Variants in DNASE1L1 observed in about 807,000 individuals in gnomAD.
DNASE1L1 encodes the protein deoxyribonuclease-1-like 1.
Under a neutral mutation model 18.6 loss-of-function variants are expected in DNASE1L1, and 8 were observed. The ratio of observed to expected loss-of-function variants is 0.43; its 90% CI spans 0.25 to 0.78. DNASE1L1 has a LOEUF of 0.78. Among genes scored for constraint, DNASE1L1 ranks in the 30% least tolerant of loss-of-function variants. DNASE1L1 has a pLI of 0.23. For missense variants in DNASE1L1, 214 were observed against 258.2 expected (o/e 0.83, Z 1.17); for synonymous variants, 114 against 114.2 (o/e 1.00, Z 0.01).
Position 154,405,469 on chromosome X carries a change from C to T in DNASE1L1, c.100G>A (p.Val34Met). Residue 34 changes from valine (V) to methionine (M), a missense_variant, in exon 2 of 8, where the codon GTG (valine) becomes ATG (methionine). Transcript: ENST00000369807. ...FNAQRLTLAK[V>M]AREQVMDTLV... The stretch of plus-strand genomic sequence containing the variant: ...GTGTCCATCACCTGCTCCCTGGCCA[C>T]CTTGGCCAGTGTCAGCCGCTGGGCA... 8.3e-7 allele frequency: 1 copy of T among 1,202,673 alleles called. No homozygotes were observed. The highest frequency in any genetic ancestry group is 1.1e-6 in the Non-Finnish European group (1 of 888,396).
upstream of DNASE1L1, among the ~76,000 whole-genome samples, chrX:154,411,046 A>G (rs1569552599): frequency 8.9e-6 from 1 of 112,545 alleles, no homozygotes; most frequent in Non-Finnish European, 1.9e-5. Context: ...CATATGATAC[A>G]CAATATGTTT....
chrX:154,410,813 A>T (rs2068263927), upstream of DNASE1L1, among the ~76,000 whole-genome samples: 1 of 111,089 alleles, frequency 9.0e-6, no homozygotes, highest in Admixed American at 9.5e-5. Context: ...CGGGAGGCGG[A>T]GGTTGCAGTG....
Position 154,404,995 on chromosome X carries a change from C to G in DNASE1L1, c.224G>C (p.Arg75Pro). The part of the protein sequence containing the change: ...AIPLLLRELN[R>P]FDGSGPYSTL... ...ATTAGACCCACAGAATCTTCCTCAC[C>G]GATTGAGTTCTCGAAGCAGGAGCGG... The change falls in exon 3 of 8, where the codon CGA becomes CCA. Residue 75 changes from arginine (R) to proline (P), a missense_variant and splice_region_variant. By Grantham distance (103) the Arg-to-Pro change is moderately radical (BLOSUM62 -2). Coordinates refer to ENST00000369807, the MANE Select transcript of DNASE1L1 (RefSeq NM_001303620.2). The G allele has an allele frequency of 8.3e-7, 1 of 1,209,593 alleles. No homozygotes were observed. The highest frequency in any genetic ancestry group is 1.1e-6 in the Non-Finnish European group (1 of 894,011).
At chrX:154,405,383 C>A (rs782198131) in intron 2 of DNASE1L1, 51 bp downstream of exon 2, 3 of 1,151,931 alleles carry the variant, frequency 2.6e-6, no homozygotes, top group Non-Finnish European at 3.5e-6. Context: ...GGGATGGGGG[C>A]TTTGGCTCAT....
In DNASE1L1 at chrX:154,403,110, A is replaced by G. The variant is rs782630940; in HGVS notation, c.606T>C (p.Thr202=). ...KKRLDKLELR[T]EPGFHWVIAD... ...CAATCACCCAGTGGAAGCCTGGCTCAGTCCGCAGCTCCAGCTTGTCCAGGC... is the reference window on the plus strand; with the variant it reads ...CAATCACCCAGTGGAAGCCTGGCTCGGTCCGCAGCTCCAGCTTGTCCAGGC... Residue 202 remains threonine, a synonymous_variant, in exon 7 of 8, where the codon ACT becomes ACC. Coordinates refer to ENST00000369807, the MANE Select transcript of DNASE1L1 (RefSeq NM_001303620.2). 8.3e-7 allele frequency: 1 copy of G among 1,212,017 alleles called. No homozygotes were observed. Among genetic ancestry groups the G allele is most frequent in the Admixed American group, 2.2e-5 (1 of 46,075 alleles).
rs782064221 is a variant in DNASE1L1 at position 154,403,032 on chromosome X, G to A, written c.684C>T (p.Arg228=). The A allele has an allele frequency of 3.3e-6, 4 of 1,211,811 alleles. No homozygotes were observed. The highest frequency in any genetic ancestry group is 2.3e-4 in the Middle Eastern group (1 of 4,349). The change falls in exon 7 of 8, where the codon CGC becomes CGT. Residue 228 remains arginine, a synonymous_variant. Coordinates refer to ENST00000369807, the MANE Select transcript of DNASE1L1 (RefSeq NM_001303620.2). ...GGCAGCGCTCCCCGTGCAGCACGAC[G>A]CGGTCATAGGTGCAGTGGGTGCTGG... is the stretch of plus-strand genomic sequence containing the variant. ...VRASTHCTYD[R]VVLHGERCRS... is the part of the protein sequence containing the mutation.
Position 154,402,799 on chromosome X carries a change from T to G in DNASE1L1, c.817A>C (p.Lys273Gln). 1 of 1,211,250 alleles carries G rather than the reference T, an allele frequency of 8.3e-7. No individual in the cohort carries two copies. Among genetic ancestry groups the G allele is most frequent in the Non-Finnish European group, 1.1e-6 (1 of 895,248 alleles). Residue 273 changes from lysine to glutamine, a missense_variant, in exon 8 of 8, where the codon AAG becomes CAG. By Grantham distance (53) the Lys-to-Gln change is moderately conservative. Coordinates refer to ENST00000369807, the MANE Select transcript of DNASE1L1 (RefSeq NM_001303620.2). ...TGGACGCTGTGCGCCTGGCTCAGCTTCAGCTCCACCTCCACGGGGTAGTGG... is the reference window on the plus strand; with the variant it reads ...TGGACGCTGTGCGCCTGGCTCAGCTGCAGCTCCACCTCCACGGGGTAGTGG... ...SDHYPVEVEL[K>Q]LSQAHSVQPL...
In DNASE1L1 at chrX:154,401,296, G is replaced by C. The variant is rs181381143; in HGVS notation, c.*1411C>G. The C allele has an allele frequency of 2.6e-4, 56 of 214,842 alleles. No homozygotes were observed. The highest frequency in any genetic ancestry group is 3.5e-4 in the Non-Finnish European group (41 of 116,355). 17.7% of individuals were successfully genotyped at this position (214,842 alleles called of 1,213,427 possible). A position where few individuals can be genotyped will look rare whatever the true frequency, so the allele number is the denominator to read the frequency against. On this transcript the variant is annotated 3_prime_UTR_variant, in exon 8 of 8. Coordinates refer to ENST00000369807, the MANE Select transcript of DNASE1L1 (RefSeq NM_001303620.2). Reference sequence around the variant, plus strand: ...GCAAGGGTAGGTGTGCATCACATTGGGCTTGTTCTCACCCATCTGGTTTGG... The same window carrying C: ...GCAAGGGTAGGTGTGCATCACATTGCGCTTGTTCTCACCCATCTGGTTTGG...
chrX:154,402,581 G>T lies in DNASE1L1; in HGVS notation c.*126C>A. 1 of 683,312 alleles carries T rather than the reference G, an allele frequency of 1.5e-6. No individual in the cohort carries two copies. The highest frequency in any genetic ancestry group is 2.1e-6 in the Non-Finnish European group (1 of 470,353). 56.3% of individuals were successfully genotyped at this position (683,312 alleles called of 1,213,427 possible). A position where few individuals can be genotyped will look rare whatever the true frequency, so the allele number is the denominator to read the frequency against. ...AACAAGAGCCAAATCAAACAAGGCA[G>T]GCAGGGGTGGACTACAGTCACAGGG... On this transcript the variant is annotated 3_prime_UTR_variant, in exon 8 of 8. Coordinates refer to ENST00000369807, the MANE Select transcript of DNASE1L1 (RefSeq NM_001303620.2).
Position 154,405,020 on chromosome X carries a change from G to T in DNASE1L1, c.199C>A (p.Pro67Thr). Residue 67 changes from proline (P) to threonine (T), a missense_variant, in exon 3 of 8, where the codon CCG (proline) becomes ACG (threonine). Coordinates refer to ENST00000369807, the MANE Select transcript of DNASE1L1 (RefSeq NM_001303620.2). ...EVVDSSGSAI[P>T]LLLRELNRFD... is the part of the protein sequence containing the mutation. ...CGATTGAGTTCTCGAAGCAGGAGCG[G>T]GATGGCGCTGCCGGAAGAGTCCACC... The T allele has an allele frequency of 8.3e-7, 1 of 1,211,038 alleles. No individual in the cohort carries two copies. Among genetic ancestry groups the T allele is most frequent in the African/African-American group, 1.7e-5 (1 of 57,895 alleles).
Position 154,402,789 on chromosome X carries a change from T to C in DNASE1L1, c.827A>G (p.Gln276Arg), listed in dbSNP as rs146004451. The C allele has an allele frequency of 1.9e-4, 226 of 1,210,154 alleles. 1 individual carries two copies. The African/African-American group carries it at 3.3e-3, about 18-fold the overall frequency. The change falls in exon 8 of 8, where the codon CAG becomes CGG. Residue 276 changes from glutamine to arginine, a missense_variant. Physicochemically the swap from Gln to Arg is conservative, Grantham distance 43. Transcript: ENST00000369807. ...YPVEVELKLS[Q>R]AHSVQPLSLT... is the part of the protein sequence containing the mutation. The stretch of plus-strand genomic sequence containing the variant: ...GCTGAGAGGCTGGACGCTGTGCGCC[T>C]GGCTCAGCTTCAGCTCCACCTCCAC...
upstream of DNASE1L1, chrX:154,411,574 G>C (rs1005488594): frequency 2.5e-6 from 1 of 400,420 alleles, no homozygotes; most frequent in African/African-American, 2.6e-5. Context: ...GGGTGCCAGC[G>C]CCCGCCTTCC....
In DNASE1L1 at chrX:154,402,627, C is replaced by CT; in HGVS notation, c.*79_*80insA. 2.0e-6 allele frequency: 2 copies of CT among 977,943 alleles called. No homozygotes were observed. Among genetic ancestry groups the CT allele is most frequent in the South Asian group, 4.8e-5 (2 of 41,777 alleles). The allele number at this position is 977,943 out of a possible 1,213,427, so 80.6% of individuals were successfully genotyped here. On this transcript the variant is annotated 3_prime_UTR_variant, in exon 8 of 8. Transcript: ENST00000369807. Reference sequence around the variant, plus strand: ...CAGGGCAACTATAGTTGAAGCCCCCCAGCCCCAGGGCTGGATGGACGGGGG... The same window carrying CT: ...CAGGGCAACTATAGTTGAAGCCCCCCTAGCCCCAGGGCTGGATGGACGGGGG...
At chrX:154,406,664 CTTTTTTTTTTT>C (rs782761679) in intron 1 of DNASE1L1, among the ~76,000 whole-genome samples, 3 of 86,145 alleles carry the variant, frequency 3.5e-5, no homozygotes, top group African/African-American at 4.2e-5. Context: ...CCACCGTGTC[CTTTTTTTTTTT>C]TTTTTTTTTT....
At chrX:154,411,712 G>A, upstream of DNASE1L1, 1 of 604,670 alleles carries the variant, frequency 1.7e-6, no homozygotes, top group East Asian at 3.7e-5. Flanking sequence ...GTCCCCTGTT[G>A]CGCCGCGCCC....
Position 154,403,105 on chromosome X carries a change from G to A in DNASE1L1, c.611C>T (p.Pro204Leu), listed in dbSNP as rs1557187336. 3.3e-6 allele frequency: 4 copies of A among 1,211,914 alleles called. No homozygotes were observed. The highest frequency in any genetic ancestry group is 4.5e-6 in the Non-Finnish European group (4 of 895,607). ...RLDKLELRTE[P>L]GFHWVIADGE... ...ATCGGCAATCACCCAGTGGAAGCCT[G>A]GCTCAGTCCGCAGCTCCAGCTTGTC... The change falls in exon 7 of 8, where the codon CCA (proline) becomes CTA (leucine). Residue 204 changes from proline (P) to leucine (L), a missense_variant. Coordinates refer to ENST00000369807, the MANE Select transcript of DNASE1L1 (RefSeq NM_001303620.2).
chrX:154,410,448 G>A (rs2068251074), upstream of DNASE1L1, among the ~76,000 whole-genome samples: 1 of 111,138 alleles, frequency 9.0e-6, no homozygotes, highest in Admixed American at 9.5e-5. Context: ...AGCTACTCAG[G>A]AGGCTGAGAC....
At chrX:154,407,395 G>A (rs1557188747) in intron 1 of DNASE1L1, among the ~76,000 whole-genome samples, 1 of 103,201 alleles carries the variant, frequency 9.7e-6, no homozygotes, top group Non-Finnish European at 2.0e-5. Context: ...CCACCACCAC[G>A]CCCAGCTAAT....
chrX:154,407,760 C>A (rs1233646744), intron 1 of DNASE1L1, among the ~76,000 whole-genome samples: 5 of 79,630 alleles, frequency 6.3e-5, no homozygotes, highest in Non-Finnish European at 9.4e-5. Context: ...CGCGCCCGGC[C>A]CCCCCCCTTT....
Sources: allele counts gnomAD v4.1 joint callset (sites outside exome capture counted in the v4.1 genomes callset), GRCh38; gene constraint gnomAD v4.1.1; transcripts MANE v1.5; gene names NCBI Gene and HGNC (gene_info 2026-07-23, HGNC 2026-07-21).